SNX29: variants seen among roughly 807,000 people sequenced by gnomAD.
SNX29 encodes the protein sorting nexin 29.
In SNX29, 78 loss-of-function variants were observed where a neutral mutation model predicts 102.1. The observed-to-expected ratio is 0.76, with a 90% CI of 0.64 to 0.92. The LOEUF (loss-of-function observed/expected upper bound fraction) is 0.92, where lower values mean the gene tolerates loss of function less well. SNX29 is among the 40% of genes least tolerant of loss of function. The pLI is 0.00. For synonymous variants in SNX29, 580 were observed against 414.5 expected, an observed-to-expected ratio of 1.40 and a Z score of -4.85; for missense variants, 1,280 against 1,061.7, an observed-to-expected ratio of 1.21 and a Z score of -2.86.
intron 20 of SNX29, among the ~76,000 whole-genome samples, chr16:12,539,986 T>G (rs999530932): frequency 2.0e-5 from 3 of 152,202 alleles, no homozygotes; most frequent in Admixed American, 2.0e-4. Context: ...TCTTCTAGTC[T>G]TCAGCTTCTT....
chr16:12,238,870 C>T (rs1376478516), intron 14 of SNX29, among the ~76,000 whole-genome samples: 1 of 152,204 alleles, frequency 6.6e-6, no homozygotes, highest in Non-Finnish European at 1.5e-5. Flanking sequence ...TCTGCTCTAC[C>T]ATCCTTAGCT....
In SNX29 at chr16:12,571,507, C is replaced by T. The variant is rs79162952; in HGVS notation, c.*2878C>T. The T allele has an allele frequency of 6.9e-6, 4 of 577,214 alleles. No individual in the cohort carries two copies. In the African/African-American group the frequency reaches 7.8e-5, roughly 11 times the overall value. 35.8% of individuals were successfully genotyped at this position (577,214 alleles called of 1,614,324 possible). On this transcript the variant is annotated 3_prime_UTR_variant, in exon 21 of 21. Transcript: ENST00000566228. Reference sequence around the variant, plus strand: ...AGAGGAACGAGGGTGGCCCACCTCTCAAGGGCCTTGGATTCCTGGGACCAC... The same window carrying T: ...AGAGGAACGAGGGTGGCCCACCTCTTAAGGGCCTTGGATTCCTGGGACCAC...
intron 15 of SNX29, among the ~76,000 whole-genome samples, chr16:12,286,347 T>A (rs2079596148): frequency 6.7e-6 from 1 of 148,158 alleles, no homozygotes; most frequent in Non-Finnish European, 1.5e-5. Flanking sequence ...TCCAAGGATT[T>A]TTTTTTTTTT....
intron 18 of SNX29, among the ~76,000 whole-genome samples, chr16:12,448,952 C>T (rs1336062402): frequency 6.6e-6 from 1 of 152,220 alleles, no homozygotes; most frequent in Non-Finnish European, 1.5e-5. Flanking sequence ...GTGATTATCT[C>T]TCCAAGCTAG....
intron 19 of SNX29, among the ~76,000 whole-genome samples, chr16:12,522,921 C>G (rs532778581): frequency 2.6e-5 from 4 of 152,224 alleles, no homozygotes; most frequent in African/African-American, 4.8e-5. Flanking sequence ...AGCAGTCCTC[C>G]TGCTGCAGCC....
At chr16:12,547,695 C>T (rs1395688945) in intron 20 of SNX29, among the ~76,000 whole-genome samples, 2 of 152,170 alleles carry the variant, frequency 1.3e-5, no homozygotes, top group Non-Finnish European at 2.9e-5. Context: ...CCCCCGCGTT[C>T]CTGTCTGGGA....
rs193066128 is a variant in SNX29 at position 12,251,372 on chromosome 16, T to C, written c.1679-26561T>C. Reference sequence around the variant, plus strand: ...TCAGTGGACCATTATTGAGGATTTTTAATGACCTTACCTTTATGATGCACA... The same window carrying C: ...TCAGTGGACCATTATTGAGGATTTTCAATGACCTTACCTTTATGATGCACA... On this transcript the variant is annotated intron_variant, in intron 14 of 20. Transcript: ENST00000566228. Among the ~76,000 whole-genome samples, 600 of 152,330 alleles carry C rather than the reference T, an allele frequency of 3.9e-3. 3 individuals carry two copies. The highest frequency in any genetic ancestry group is 6.4e-3 in the Non-Finnish European group (435 of 68,032).
At chr16:12,409,623 G>T (rs1219277230) in intron 18 of SNX29, among the ~76,000 whole-genome samples, 1 of 151,884 alleles carries the variant, frequency 6.6e-6, no homozygotes, top group Non-Finnish European at 1.5e-5. Flanking sequence ...TAGAGACGGT[G>T]TTTCACCGTG....
chr16:12,292,562 G>C (rs1596786621), intron 15 of SNX29, among the ~76,000 whole-genome samples: 1 of 152,192 alleles, frequency 6.6e-6, no homozygotes, highest in African/African-American at 2.4e-5. Flanking sequence ...GTGCTGAGAG[G>C]CTTCTGTTTC....
At chr16:12,091,039 G>GAAAAAAAAAAAAAAA (rs769027308) in intron 11 of SNX29, among the ~76,000 whole-genome samples, 2 of 111,178 alleles carry the variant, frequency 1.8e-5, no homozygotes, top group African/African-American at 3.7e-5. Context: ...AAAAAAAAAA[G>GAAAAAAAAAAAAAAA]AAAGAAAAAG....
intron 19 of SNX29, among the ~76,000 whole-genome samples, chr16:12,492,485 G>T (rs1171748620): frequency 6.6e-6 from 1 of 152,178 alleles, no homozygotes. Flanking sequence ...CAGGTTGCCT[G>T]TTCACTCTGA....
At chr16:12,558,783 T>C (rs1307543017) in intron 20 of SNX29, among the ~76,000 whole-genome samples, 1 of 152,206 alleles carries the variant, frequency 6.6e-6, no homozygotes, top group African/African-American at 2.4e-5. Context: ...TTGTACAACC[T>C]GAAGCAGTTT....
intron 19 of SNX29, among the ~76,000 whole-genome samples, chr16:12,500,346 G>T (rs889654302): frequency 6.6e-6 from 1 of 152,152 alleles, no homozygotes; most frequent in Non-Finnish European, 1.5e-5. Context: ...CTTGCCTGCA[G>T]ACCAATAACT....
At chr16:12,521,817 C>T (rs552018446) in intron 19 of SNX29, among the ~76,000 whole-genome samples, 10 of 152,330 alleles carry the variant, frequency 6.6e-5, no homozygotes, top group Non-Finnish European at 1.0e-4. Context: ...TGAGCAGAGG[C>T]TCCAGCTTGG....
At chr16:12,326,329 CTTT>C (rs35321885) in intron 15 of SNX29, among the ~76,000 whole-genome samples, 3 of 141,646 alleles carry the variant, frequency 2.1e-5, no homozygotes, top group African/African-American at 5.2e-5. Context: ...GCTTTTTTGT[CTTT>C]TTTTTTTTTT....
intron 20 of SNX29, among the ~76,000 whole-genome samples, chr16:12,559,463 G>C (rs1036788774): frequency 2.0e-5 from 3 of 151,654 alleles, no homozygotes; most frequent in Non-Finnish European, 4.4e-5. Flanking sequence ...ATTATGGTGA[G>C]TTGTGTAATT....
chr16:12,541,816 G>A (rs2077355454), intron 20 of SNX29, among the ~76,000 whole-genome samples: 1 of 152,254 alleles, frequency 6.6e-6, no homozygotes, highest in Admixed American at 6.5e-5. Flanking sequence ...CAGGAACCAA[G>A]CTCGCCTCTT....
rs9924467 is a variant in SNX29 at position 12,501,007 on chromosome 16, G to C, written c.2178+23148G>C. On this transcript the variant is annotated intron_variant, in intron 19 of 20. Transcript: ENST00000566228. ...TGTTATGTTGTCATATTGGGGTGTG[G>C]CTGTGTGCTGTGTTGCCCTCTCAGG... 3.8e-3 allele frequency among the ~76,000 whole-genome samples: 574 copies of C among 152,316 alleles called. 6 individuals are homozygous for C. The highest frequency in any genetic ancestry group is 0.013 in the African/African-American group (542 of 41,566).
chr16:12,276,414 A>G (rs1282111450), intron 14 of SNX29, among the ~76,000 whole-genome samples: 2 of 152,248 alleles, frequency 1.3e-5, no homozygotes, highest in African/African-American at 2.4e-5. Context: ...GGGCTCTAAC[A>G]GTGTGGTCTG....
Sources: gnomAD v4.1 joint callset for allele counts (sites outside exome capture counted in the v4.1 genomes callset) on GRCh38, gnomAD v4.1.1 for gene constraint, MANE v1.5 for transcripts, NCBI Gene and HGNC (gene_info 2026-07-23, HGNC 2026-07-21) for gene names.